Variants in ZNF860 observed in about 807,000 individuals in gnomAD.
ZNF860 encodes the protein zinc finger protein 860.
For synonymous variants in ZNF860, 206 were observed against 248.9 expected (o/e 0.83, Z 1.62); for missense variants, 641 against 759.2 (o/e 0.84, Z 1.83).
the ZNF860 span, among the ~76,000 whole-genome samples, chr3:32,000,207 C>T: frequency 6.6e-6 from 1 of 152,148 alleles, no homozygotes; most frequent in Non-Finnish European, 1.5e-5. Flanking sequence ...CTGCTCTCGC[C>T]ACATAATTTC....
the ZNF860 span, among the ~76,000 whole-genome samples, chr3:32,000,875 G>A: frequency 9.9e-5 from 15 of 152,142 alleles, no homozygotes; most frequent in African/African-American, 1.7e-4. Flanking sequence ...ACTCTAAGAC[G>A]TGCAGCTTTC....
At chr3:32,001,133 T>G in the ZNF860 span, among the ~76,000 whole-genome samples, 1 of 152,180 alleles carries the variant, frequency 6.6e-6, no homozygotes, top group Non-Finnish European at 1.5e-5. Context: ...GCCTGGCTGA[T>G]CAACCTGTGC....
intron 1 of ZNF860, among the ~76,000 whole-genome samples, chr3:31,985,053 A>G (rs890396133): frequency 1.3e-5 from 2 of 152,216 alleles, no homozygotes; most frequent in African/African-American, 4.8e-5. Context: ...AGCCTGGCCA[A>G]CATGGTACAA....
chr3:31,992,718 G>T (rs1201615325), downstream of ZNF860, among the ~76,000 whole-genome samples: 1 of 152,204 alleles, frequency 6.6e-6, no homozygotes, highest in African/African-American at 2.4e-5. Flanking sequence ...CCTTGGCCAG[G>T]CATGGTGACT....
In ZNF860 at chr3:31,988,959, G is replaced by T. The variant is rs938285621; in HGVS notation, c.-121G>T. The T allele has an allele frequency of 2.3e-5, 30 of 1,322,952 alleles. No homozygotes were observed. Among genetic ancestry groups the T allele is most frequent in the Middle Eastern group, 2.7e-4 (1 of 3,750 alleles). 82.0% of individuals were successfully genotyped at this position (1,322,952 alleles called of 1,614,324 possible). ...AGCGACTGTGAGATAATCAGTGTTT[G>T]TTGCCTTAAGCCACGAAGTTTGTGA... On this transcript the variant is annotated 5_prime_UTR_variant, in exon 2 of 2. Coordinates refer to ENST00000360311, the MANE Select transcript of ZNF860 (RefSeq NM_001137674.3).
intron 1 of ZNF860, among the ~76,000 whole-genome samples, chr3:31,984,115 G>A (rs537141551): frequency 1.3e-5 from 2 of 152,202 alleles, no homozygotes; most frequent in Non-Finnish European, 2.9e-5. Context: ...TCAGCTCACT[G>A]CAAGCCCTGC....
Position 31,990,008 on chromosome 3 carries a change from G to A in ZNF860, c.929G>A (p.Gly310Glu), listed in dbSNP as rs772199973. 4 of 1,614,086 alleles carry A rather than the reference G, an allele frequency of 2.5e-6. No homozygotes were observed. The South Asian group carries it at 4.4e-5, about 18-fold the overall frequency. Residue 310 changes from glycine (G) to glutamate (E), a missense_variant, in exon 2 of 2, where the codon GGA (glycine) becomes GAA (glutamate). By Grantham distance (98) the Gly-to-Glu change is moderately conservative. Transcript: ENST00000360311. The stretch of plus-strand genomic sequence containing the variant: ...GCAAGTCATCATAGACTTCATACTG[G>A]AGAGAAACCTTACAAATGTGAAGAA... Reference protein sequence around the residue: ...NLASHHRLHTGEKPYKCEECD... With the variant: ...NLASHHRLHTEEKPYKCEECD...
At chr3:31,997,900 A>G in the ZNF860 span, among the ~76,000 whole-genome samples, 10 of 151,998 alleles carry the variant, frequency 6.6e-5, no homozygotes, top group East Asian at 1.2e-3. Flanking sequence ...CAATCCTCCC[A>G]CCTTAGCCTC....
At chr3:32,005,852 G>C in the ZNF860 span, among the ~76,000 whole-genome samples, 4 of 152,176 alleles carry the variant, frequency 2.6e-5, no homozygotes, top group Admixed American at 6.5e-5. Flanking sequence ...CTCCCAAAGT[G>C]CTGGGATTAC....
Position 31,991,095 on chromosome 3 carries a change from G to C in ZNF860, c.*117G>C, listed in dbSNP as rs34397293. ...ATTAGAGTCAATTCAGCATTGACTT[G>C]AGTTTCAGTTGACTTGACATTGAGT... On this transcript the variant is annotated 3_prime_UTR_variant, in exon 2 of 2. Coordinates refer to ENST00000360311, the MANE Select transcript of ZNF860 (RefSeq NM_001137674.3). 35,974 of 1,006,560 alleles carry C rather than the reference G, an allele frequency of 0.036. 825 individuals are homozygous for C. The highest frequency in any genetic ancestry group is 0.1 in the East Asian group (4,193 of 40,240). The allele number at this position is 1,006,560 out of a possible 1,614,324, so 62.4% of individuals were successfully genotyped here.
chr3:32,006,418 A>G, the ZNF860 span, among the ~76,000 whole-genome samples: 11 of 152,194 alleles, frequency 7.2e-5, no homozygotes, highest in South Asian at 2.1e-4. Context: ...TTTGTCTACT[A>G]TATCACATTA....
rs1316620417 is a variant in ZNF860 at position 31,990,243 on chromosome 3, T to C, written c.1164T>C (p.His388=). Residue 388 remains histidine (H), a synonymous_variant, in exon 2 of 2, where the codon CAT becomes CAC. Transcript: ENST00000360311. ...AFSGQSTLIH[H]QAIHGIGKLY... ...GTGGGCAGTCAACACTTATTCACCATCAAGCAATCCATGGTATAGGGAAAC... is the reference window on the plus strand; with the variant it reads ...GTGGGCAGTCAACACTTATTCACCACCAAGCAATCCATGGTATAGGGAAAC... The C allele has an allele frequency of 6.2e-7, 1 of 1,613,958 alleles. No homozygotes were observed. Among genetic ancestry groups the C allele is most frequent in the African/African-American group, 1.3e-5 (1 of 74,942 alleles).
At chr3:31,996,503 G>GC (rs948560230), downstream of ZNF860, among the ~76,000 whole-genome samples, 2 of 151,848 alleles carry the variant, frequency 1.3e-5, no homozygotes, top group Non-Finnish European at 2.9e-5. Context: ...TTGCCAGGGG[G>GC]AGAAGGGGGT....
intron 1 of ZNF860, among the ~76,000 whole-genome samples, chr3:31,985,752 T>C (rs764475324): frequency 2.0e-5 from 3 of 152,228 alleles, no homozygotes; most frequent in South Asian, 2.1e-4. Context: ...GTCTGATGTG[T>C]TGTACGTCCC....
the ZNF860 span, among the ~76,000 whole-genome samples, chr3:32,005,553 G>T: frequency 1.3e-5 from 2 of 152,056 alleles, no homozygotes; most frequent in African/African-American, 4.8e-5. Flanking sequence ...ACTCAAACTT[G>T]GTATTGTCTG....
chr3:32,002,612 C>T, the ZNF860 span, among the ~76,000 whole-genome samples: 1 of 138,000 alleles, frequency 7.2e-6, no homozygotes, highest in Admixed American at 7.3e-5. Flanking sequence ...CTTCTTCTCT[C>T]TTGGTGACTT....
At chr3:31,988,448 C>T (rs1432005680) in intron 1 of ZNF860, among the ~76,000 whole-genome samples, 1 of 152,188 alleles carries the variant, frequency 6.6e-6, no homozygotes, top group Non-Finnish European at 1.5e-5. Flanking sequence ...GATTTCAAAG[C>T]TATGCCTATA....
the ZNF860 span, among the ~76,000 whole-genome samples, chr3:32,004,587 C>T: frequency 6.6e-6 from 1 of 152,152 alleles, no homozygotes; most frequent in Non-Finnish European, 1.5e-5. Flanking sequence ...TCTTCGGTTC[C>T]TCTGCATTTT....
rs1698982714 is a variant in ZNF860 at position 31,988,976 on chromosome 3, A to T, written c.-104A>T. On this transcript the variant is annotated 5_prime_UTR_variant, in exon 2 of 2. The change creates a new upstream start codon in the 5' untranslated region. Coordinates refer to ENST00000360311, the MANE Select transcript of ZNF860 (RefSeq NM_001137674.3). ...CAGTGTTTGTTGCCTTAAGCCACGA[A>T]GTTTGTGATAATTTGTTTCTCGGAA... 1 of 1,481,256 alleles carries T rather than the reference A, an allele frequency of 6.8e-7. No individual in the cohort carries two copies. 91.8% of individuals were successfully genotyped at this position (1,481,256 alleles called of 1,614,324 possible).
Sources: gnomAD v4.1 joint callset for allele counts (sites outside exome capture counted in the v4.1 genomes callset) on GRCh38, gnomAD v4.1.1 for gene constraint, MANE v1.5 for transcripts, NCBI Gene and HGNC (gene_info 2026-07-23, HGNC 2026-07-21) for gene names.